Variants in KAZN observed in about 807,000 individuals in gnomAD.
KAZN encodes kazrin, periplakin interacting protein.
In KAZN, 40 loss-of-function variants were observed where a neutral mutation model predicts 87.4. That is an observed-to-expected ratio of 0.46 (90% CI 0.36 to 0.60). KAZN has a LOEUF of 0.60. KAZN is among the 20% of genes least tolerant of loss of function. KAZN has a pLI of 0.00. For missense variants in KAZN, 898 were observed against 1,073.9 expected, an observed-to-expected ratio of 0.84 and a Z score of 2.29; for synonymous variants, 466 against 458.3, an observed-to-expected ratio of 1.02 and a Z score of -0.22.
At chr1:14,330,189 G>A (rs1178590555) in intron 2 of KAZN, among the ~76,000 whole-genome samples, 2 of 152,176 alleles carry the variant, frequency 1.3e-5, no homozygotes, top group Admixed American at 1.3e-4. Context: ...TGGACATTTT[G>A]TTGGGGTTTT....
Position 14,399,985 on chromosome 1 carries a change from TAAAA to T in KAZN, c.250-198994_250-198991del, listed in dbSNP as rs542189392. Among the ~76,000 whole-genome samples, 781 of 152,014 alleles carry T rather than the reference TAAAA, an allele frequency of 5.1e-3. 23 individuals carry two copies. The highest frequency in any genetic ancestry group is 0.041 in the Admixed American group (628 of 15,238). On this transcript the variant is annotated intron_variant, in intron 2 of 16. Transcript: ENST00000636203. ...TCAGTAAGTAATTGGTGAATTAAAA[TAAAA>T]AAAGAAGGAATGATTTCACAGTCAT...
chr1:14,654,649 C>G (rs1638675084), intron 1 of KAZN, among the ~76,000 whole-genome samples: 1 of 152,242 alleles, frequency 6.6e-6, no homozygotes, highest in Non-Finnish European at 1.5e-5. Context: ...CATCCACCTC[C>G]TCCTCCCTGG....
At chr1:13,896,014 C>G (rs1639028799) in intron 1 of KAZN, among the ~76,000 whole-genome samples, 1 of 150,636 alleles carries the variant, frequency 6.6e-6, no homozygotes, top group African/African-American at 2.4e-5. Context: ...TTTTTTGAGA[C>G]AGGGTCTTGC....
chr1:14,175,294 A>G (rs12066354), intron 1 of KAZN, among the ~76,000 whole-genome samples: 3,088 of 152,206 alleles, frequency 0.02, 97 homozygotes, highest in African/African-American at 0.069. Context: ...TAGTAGAGAC[A>G]GGGTTTCACC....
At chr1:14,534,411 G>A (rs868458850) in intron 2 of KAZN, among the ~76,000 whole-genome samples, 3 of 152,254 alleles carry the variant, frequency 2.0e-5, no homozygotes, top group African/African-American at 2.4e-5. Context: ...TTGGGAGGCC[G>A]AGGCAGGCAG....
chr1:14,505,360 C>G (rs900747834), intron 2 of KAZN, among the ~76,000 whole-genome samples: 1 of 152,154 alleles, frequency 6.6e-6, no homozygotes, highest in Non-Finnish European at 1.5e-5. Flanking sequence ...CCTAGGCAGA[C>G]AAGCCAATAG....
chr1:14,448,841 A>C (rs1485453949), intron 2 of KAZN, among the ~76,000 whole-genome samples: 1 of 152,180 alleles, frequency 6.6e-6, no homozygotes, highest in African/African-American at 2.4e-5. Context: ...CTCAACCCCC[A>C]TGACATTCAC....
At chr1:14,119,995 T>A (rs1644716093) in intron 1 of KAZN, among the ~76,000 whole-genome samples, 1 of 152,148 alleles carries the variant, frequency 6.6e-6, no homozygotes, top group Non-Finnish European at 1.5e-5. Flanking sequence ...GGTAAGTACC[T>A]TGTTCACACT....
chr1:14,545,469 A>G (rs1673082904), intron 2 of KAZN, among the ~76,000 whole-genome samples: 1 of 152,164 alleles, frequency 6.6e-6, no homozygotes, highest in African/African-American at 2.4e-5. Flanking sequence ...ATGTCTCTGT[A>G]CCCACAATAC....
At chr1:14,371,970 T>C (rs1009745972) in intron 2 of KAZN, among the ~76,000 whole-genome samples, 6 of 152,258 alleles carry the variant, frequency 3.9e-5, no homozygotes, top group Non-Finnish European at 8.8e-5. Context: ...TAAAGGAAAC[T>C]GGCAGAGAAT....
intron 2 of KAZN, among the ~76,000 whole-genome samples, chr1:14,501,865 G>T (rs894581689): frequency 2.6e-5 from 4 of 152,154 alleles, no homozygotes; most frequent in African/African-American, 9.7e-5. Flanking sequence ...CTAAGTGAAA[G>T]AATCCAGTCA....
At chr1:14,665,996 A>G (rs963805042) in intron 1 of KAZN, among the ~76,000 whole-genome samples, 4 of 151,488 alleles carry the variant, frequency 2.6e-5, no homozygotes, top group South Asian at 2.1e-4. Context: ...ATGTCTTCGG[A>G]GATGAGTTGA....
chr1:14,663,562 G>A (rs188919537), intron 1 of KAZN, among the ~76,000 whole-genome samples: 19 of 152,266 alleles, frequency 1.2e-4, no homozygotes, highest in Middle Eastern at 3.4e-3. Flanking sequence ...GGACACCAAC[G>A]TATTTCATAT....
At position 15,054,614 on chromosome 1, in the gene KAZN, T is replaced by C. The variant is rs531962695; in HGVS notation, c.727-1477T>C. On this transcript the variant is annotated intron_variant, in intron 4 of 14. Transcript: ENST00000376030. ...TTGCAGTAAACCGAGATCGCGCCAC[T>C]GCACTCCGGCCTGGGCAACAGAGTG... Among the ~76,000 whole-genome samples the C allele has an allele frequency of 3.0e-4, 44 of 149,016 alleles. 1 individual carries two copies. The South Asian group carries it at 4.0e-3, about 14-fold the overall frequency.
At chr1:14,770,571 A>C (rs78699716) in intron 1 of KAZN, among the ~76,000 whole-genome samples, 5,333 of 152,192 alleles carry the variant, frequency 0.035, 111 homozygotes, top group South Asian at 0.069. Context: ...CTATGTGTGA[A>C]TATCTTCCCC....
At chr1:14,714,565 C>A (rs1298435353) in intron 1 of KAZN, among the ~76,000 whole-genome samples, 4 of 152,048 alleles carry the variant, frequency 2.6e-5, no homozygotes, top group Non-Finnish European at 5.9e-5. Context: ...TCTGCTAATG[C>A]GTTGCTCTTC....
At position 15,088,997 on chromosome 1, in the gene KAZN, G is replaced by C. The variant is rs113919726; in HGVS notation, c.1223-5183G>C. On this transcript the variant is annotated intron_variant, in intron 8 of 14. Transcript: ENST00000376030. ...CACTCACAAAGACACACAGGCACAC[G>C]CACACACACGCTCACATTGCACACC... Among the ~76,000 whole-genome samples the C allele has an allele frequency of 9.6e-3, 1,461 of 151,826 alleles. 23 individuals carry two copies. Among genetic ancestry groups the C allele is most frequent in the African/African-American group, 0.033 (1,348 of 41,402 alleles).
intron 1 of KAZN, among the ~76,000 whole-genome samples, chr1:14,662,368 A>C (rs897868504): frequency 6.6e-6 from 1 of 152,078 alleles, no homozygotes; most frequent in Admixed American, 6.6e-5. Context: ...CTAAGCCCCA[A>C]GAGTGGGCAG....
At chr1:14,536,040 C>A (rs1672486148) in intron 2 of KAZN, among the ~76,000 whole-genome samples, 1 of 152,214 alleles carries the variant, frequency 6.6e-6, no homozygotes, top group African/African-American at 2.4e-5. Context: ...TCCCTAATTA[C>A]TGGAGCAGGC....
Sources: allele counts gnomAD v4.1 joint callset (sites outside exome capture counted in the v4.1 genomes callset), GRCh38; gene constraint gnomAD v4.1.1; transcripts MANE v1.5; gene names NCBI Gene and HGNC (gene_info 2026-07-23, HGNC 2026-07-21).